RBFOX1: variants seen among roughly 807,000 people sequenced by gnomAD.
The protein encoded by RBFOX1 is RNA binding protein fox-1 homolog 1.
A neutral mutation model predicts 57.7 loss-of-function variants in RBFOX1; 8 were observed. That is an observed-to-expected ratio of 0.14 (90% CI 0.08 to 0.25). The LOEUF is 0.25. Ranked by LOEUF, RBFOX1 falls within the 10% of genes least tolerant of loss-of-function variation. The pLI, the probability that RBFOX1 is intolerant of heterozygous loss-of-function variation, is 1.00. For missense variants in RBFOX1, 611 were observed against 548.5 expected (o/e 1.11, Z -1.14); for synonymous variants, 326 against 222.4 (o/e 1.47, Z -4.15).
At chr16:7,032,038 C>T (rs2153692956) in intron 3 of RBFOX1, among the ~76,000 whole-genome samples, 1 of 152,298 alleles carries the variant, frequency 6.6e-6, no homozygotes, top group South Asian at 2.1e-4. Flanking sequence ...AGTCGATTCT[C>T]CTTTGTATTT....
chr16:7,101,422 T>C (rs1210493450), intron 4 of RBFOX1, among the ~76,000 whole-genome samples: 1 of 152,172 alleles, frequency 6.6e-6, no homozygotes, highest in Non-Finnish European at 1.5e-5. Flanking sequence ...GTCTTGGTAA[T>C]AGTGGTTACA....
At chr16:6,186,464 G>T (rs1054455351) in intron 1 of RBFOX1, among the ~76,000 whole-genome samples, 2 of 152,324 alleles carry the variant, frequency 1.3e-5, no homozygotes, top group South Asian at 2.1e-4. Context: ...ATACTTGCTT[G>T]GTTAGAGAGT....
intron 2 of RBFOX1, among the ~76,000 whole-genome samples, chr16:5,568,828 C>G (rs994290504): frequency 6.6e-6 from 1 of 152,152 alleles, no homozygotes; most frequent in Non-Finnish European, 1.5e-5. Context: ...CTTGGGAAAT[C>G]ATGACATCGG....
intron 4 of RBFOX1, among the ~76,000 whole-genome samples, chr16:7,165,692 G>A (rs556446381): frequency 7.9e-5 from 12 of 152,002 alleles, no homozygotes; most frequent in Admixed American, 6.6e-4. Context: ...GCCTTCCAAA[G>A]TGTTGGGATT....
intron 5 of RBFOX1, among the ~76,000 whole-genome samples, chr16:7,562,171 G>C (rs977883752): frequency 1.2e-4 from 18 of 152,196 alleles, no homozygotes; most frequent in African/African-American, 4.3e-4. Context: ...TATTTGACAT[G>C]TTCCCAAAAT....
At chr16:5,569,376 G>A (rs1384660880) in intron 2 of RBFOX1, among the ~76,000 whole-genome samples, 2 of 143,122 alleles carry the variant, frequency 1.4e-5, no homozygotes, top group African/African-American at 5.0e-5. Flanking sequence ...TTACTTCTCT[G>A]TGAAACAGAA....
At chr16:7,483,513 C>T (rs1185125564) in intron 4 of RBFOX1, among the ~76,000 whole-genome samples, 1 of 152,206 alleles carries the variant, frequency 6.6e-6, no homozygotes, top group Non-Finnish European at 1.5e-5. Context: ...CATTGTATAT[C>T]TTTAATATCC....
At position 5,692,165 on chromosome 16, in the gene RBFOX1, C is replaced by CTTTGTGTG. The variant is rs1390205902; in HGVS notation, c.318+93205_318+93206insTTGTGTGT. The stretch of plus-strand genomic sequence containing the variant: ...CAAACCCATGCATAATAGGGACTGA[C>CTTTGTGTG]TGTGTGTGTGTGTGTGTGTGTGTGT... On this transcript the variant is annotated intron_variant, in intron 3 of 19. Transcript: ENST00000641259. 3.5e-3 allele frequency among the ~76,000 whole-genome samples: 81 copies of CTTTGTGTG among 22,934 alleles called. 1 individual carries two copies. The highest frequency in any genetic ancestry group is 0.021 in the Admixed American group (28 of 1,338). The allele number at this position is 22,934 out of a possible 152,430, so 15.0% of individuals were successfully genotyped here.
intron 3 of RBFOX1, among the ~76,000 whole-genome samples, chr16:5,638,478 T>A (rs2048758102): frequency 1.3e-5 from 2 of 152,122 alleles, no homozygotes; most frequent in Non-Finnish European, 2.9e-5. Context: ...CTCTTACTTT[T>A]CCCTCTGCCT....
At chr16:7,637,100 G>A (rs2061888469) in intron 11 of RBFOX1, among the ~76,000 whole-genome samples, 1 of 152,094 alleles carries the variant, frequency 6.6e-6, no homozygotes, top group Admixed American at 6.5e-5. Flanking sequence ...GCATTTTCTG[G>A]AAGAAATTTC....
chr16:6,186,281 G>C (rs1010653632), intron 1 of RBFOX1, among the ~76,000 whole-genome samples: 1 of 152,156 alleles, frequency 6.6e-6, no homozygotes, highest in African/African-American at 2.4e-5. Context: ...CTCTGGGTTA[G>C]AGTGTTGTTC....
In RBFOX1 at chr16:6,246,300, G is replaced by A. The variant is rs552814615; in HGVS notation, c.-126-70695G>A. Among the ~76,000 whole-genome samples, 7 of 152,232 alleles carry A rather than the reference G, an allele frequency of 4.6e-5. No homozygotes were observed. In the East Asian group the frequency reaches 1.4e-3, roughly 29 times the overall value. The stretch of plus-strand genomic sequence containing the variant: ...ATCTACTTGTTTCCAGCTCTTAGTG[G>A]GCTATAGTTACTCTTGCTGTAGACA... On this transcript the variant is annotated intron_variant, in intron 1 of 15. Coordinates refer to ENST00000550418, the MANE Select transcript of RBFOX1 (RefSeq NM_018723.4).
intron 2 of RBFOX1, among the ~76,000 whole-genome samples, chr16:6,558,855 C>G (rs561093281): frequency 6.6e-6 from 1 of 151,640 alleles, no homozygotes; most frequent in East Asian, 2.0e-4. Context: ...CAAACATACC[C>G]AGCTCCTCCT....
intron 3 of RBFOX1, among the ~76,000 whole-genome samples, chr16:5,655,357 C>G (rs1314117147): frequency 1.3e-5 from 2 of 152,114 alleles, no homozygotes; most frequent in African/African-American, 2.4e-5. Flanking sequence ...CTCCTGTTGC[C>G]TGAGAATGGA....
At chr16:6,524,515 T>C (rs1460042440) in intron 2 of RBFOX1, among the ~76,000 whole-genome samples, 1 of 152,194 alleles carries the variant, frequency 6.6e-6, no homozygotes, top group Non-Finnish European at 1.5e-5. Context: ...AAGTTCCTAG[T>C]AAACATTTAG....
At chr16:6,172,862 G>A (rs1188040350) in intron 1 of RBFOX1, among the ~76,000 whole-genome samples, 1 of 152,156 alleles carries the variant, frequency 6.6e-6, no homozygotes, top group Non-Finnish European at 1.5e-5. Context: ...TGAGTGGTCA[G>A]AACTCGACAC....
At chr16:5,369,425 C>T (rs1249522560) in intron 1 of RBFOX1, among the ~76,000 whole-genome samples, 1 of 152,202 alleles carries the variant, frequency 6.6e-6, no homozygotes, top group Non-Finnish European at 1.5e-5. Flanking sequence ...TAGTCGTCTC[C>T]CAGTCACTGG....
At chr16:6,867,929 C>G (rs1166054682) in intron 3 of RBFOX1, among the ~76,000 whole-genome samples, 2 of 152,058 alleles carry the variant, frequency 1.3e-5, no homozygotes, top group Non-Finnish European at 1.5e-5. Context: ...ATATAGAAGC[C>G]AAGCGTCCAG....
chr16:5,321,555 C>T (rs7199149), intron 1 of RBFOX1, among the ~76,000 whole-genome samples: 6,114 of 152,152 alleles, frequency 0.04, 401 homozygotes, highest in African/African-American at 0.14. Flanking sequence ...CTCCTGACCT[C>T]GTGATCCGCC....
Sources: gnomAD v4.1 joint callset for allele counts (sites outside exome capture counted in the v4.1 genomes callset) on GRCh38, gnomAD v4.1.1 for gene constraint, MANE v1.5 for transcripts, NCBI Gene and HGNC (gene_info 2026-07-23, HGNC 2026-07-21) for gene names.